The following EDIL3 variants were observed in gnomAD, a reference collection of about 807,000 sequenced individuals.
The protein encoded by EDIL3 is EGF-like repeat and discoidin I-like domain-containing protein 3.
A neutral mutation model predicts 67.4 loss-of-function variants in EDIL3; 37 were observed. That is an observed-to-expected ratio of 0.55 (90% CI 0.42 to 0.72). The LOEUF is 0.72. Ranked by LOEUF, EDIL3 falls within the 30% of genes least tolerant of loss-of-function variation. The probability of loss-of-function intolerance (pLI) is 0.00; values close to 1 mark genes in which losing one functional copy is unlikely to be tolerated. For missense variants in EDIL3, 527 were observed against 586.3 expected (o/e 0.90, Z 1.04); for synonymous variants, 195 against 196.3 (o/e 0.99, Z 0.05).
At chr5:84,136,557 C>G (rs764880687) in intron 5 of EDIL3, among the ~76,000 whole-genome samples, 4 of 152,068 alleles carry the variant, frequency 2.6e-5, no homozygotes, top group Non-Finnish European at 5.9e-5. Context: ...TTTGATGCAT[C>G]ATTTCAAGAC....
chr5:84,187,562 A>G (rs1019670250), intron 3 of EDIL3, among the ~76,000 whole-genome samples: 9 of 152,140 alleles, frequency 5.9e-5, no homozygotes, highest in African/African-American at 2.2e-4. Context: ...GGCAATTGCA[A>G]CAGCATAGTT....
chr5:84,097,192 T>A (rs1159213081), intron 6 of EDIL3, among the ~76,000 whole-genome samples: 1 of 152,076 alleles, frequency 6.6e-6, no homozygotes, highest in African/African-American at 2.4e-5. Context: ...CTATGGCACA[T>A]AAAAAGGGAA....
At chr5:84,109,231 C>T (rs1448112128) in intron 5 of EDIL3, among the ~76,000 whole-genome samples, 4 of 152,120 alleles carry the variant, frequency 2.6e-5, no homozygotes, top group East Asian at 1.9e-4. Flanking sequence ...TCAAGCTGGG[C>T]GCAGTGGCTC....
At chr5:84,087,648 A>G (rs1580320728) in intron 6 of EDIL3, among the ~76,000 whole-genome samples, 1 of 152,246 alleles carries the variant, frequency 6.6e-6, no homozygotes. Context: ...GAGAATACAA[A>G]GAGAGCCAAC....
intron 9 of EDIL3, among the ~76,000 whole-genome samples, chr5:83,984,348 T>C (rs954302293): frequency 2.0e-5 from 3 of 152,078 alleles, no homozygotes; most frequent in African/African-American, 7.2e-5. Context: ...ACACAGACTC[T>C]CTATATCATA....
intron 1 of EDIL3, among the ~76,000 whole-genome samples, chr5:84,279,527 T>C (rs1745653407): frequency 1.3e-5 from 2 of 152,232 alleles, no homozygotes; most frequent in Non-Finnish European, 2.9e-5. Flanking sequence ...TGCTATGATG[T>C]ACATATCTTA....
intron 3 of EDIL3, among the ~76,000 whole-genome samples, chr5:84,191,580 T>G (rs529691240): frequency 6.6e-6 from 1 of 152,124 alleles, no homozygotes; most frequent in African/African-American, 2.4e-5. Flanking sequence ...ACTGTGATAA[T>G]TTGGTCTTGT....
Position 84,132,499 on chromosome 5 carries a change from T to A in EDIL3, c.469+4742A>T, listed in dbSNP as rs532816940. Among the ~76,000 whole-genome samples, 507 of 113,574 alleles carry A rather than the reference T, an allele frequency of 4.5e-3. 35 individuals are homozygous for A. The highest frequency in any genetic ancestry group is 0.019 in the African/African-American group (486 of 26,220). 74.5% of individuals were successfully genotyped at this position (113,574 alleles called of 152,430 possible). On this transcript the variant is annotated intron_variant, in intron 5 of 10. Transcript: ENST00000296591. ...ATATATTTTAATATATATTATATAT[T>A]TTATATATAATATATATTTTAATAT...
intron 10 of EDIL3, among the ~76,000 whole-genome samples, chr5:83,962,953 G>A (rs193235477): frequency 6.6e-6 from 1 of 151,712 alleles, no homozygotes; most frequent in East Asian, 1.9e-4. Context: ...ATCTTAGATA[G>A]TCAGATCTTA....
At chr5:84,050,745 A>G (rs1182901672) in intron 9 of EDIL3, among the ~76,000 whole-genome samples, 1 of 152,184 alleles carries the variant, frequency 6.6e-6, no homozygotes, top group Non-Finnish European at 1.5e-5. Flanking sequence ...TCAAACTGCA[A>G]GGCAGCAGTG....
Position 84,149,863 on chromosome 5 carries a change from T to A in EDIL3, c.356-12509A>T, listed in dbSNP as rs893650558. On this transcript the variant is annotated intron_variant, in intron 4 of 10. Coordinates refer to ENST00000296591, the MANE Select transcript of EDIL3 (RefSeq NM_005711.5). ...TAATAGCAAATTAGACATGCAAAAATAAAAAAAAATTTTAGACGTTTTAAG... is the reference window on the plus strand; with the variant it reads ...TAATAGCAAATTAGACATGCAAAAAAAAAAAAAAATTTTAGACGTTTTAAG... 4.0e-5 allele frequency among the ~76,000 whole-genome samples: 6 copies of A among 150,690 alleles called. 1 individual carries two copies. Among genetic ancestry groups the A allele is most frequent in the Admixed American group, 3.3e-4 (5 of 15,132 alleles).
chr5:84,051,842 C>T (rs1447783670), intron 9 of EDIL3, among the ~76,000 whole-genome samples: 1 of 152,178 alleles, frequency 6.6e-6, no homozygotes, highest in Non-Finnish European at 1.5e-5. Flanking sequence ...ATTGGTGTAC[C>T]TGAAAGTGAC....
chr5:84,068,885 A>T (rs1427659937), intron 6 of EDIL3, among the ~76,000 whole-genome samples: 1 of 152,200 alleles, frequency 6.6e-6, no homozygotes, highest in Non-Finnish European at 1.5e-5. Flanking sequence ...GCTATAGGAA[A>T]TAAACTAAGT....
At chr5:84,216,812 G>A (rs943354951) in intron 3 of EDIL3, among the ~76,000 whole-genome samples, 1 of 152,162 alleles carries the variant, frequency 6.6e-6, no homozygotes, top group African/African-American at 2.4e-5. Context: ...CCCTATTACA[G>A]GATGAGCAAC....
chr5:84,079,546 A>AT (rs1746925482), intron 6 of EDIL3, among the ~76,000 whole-genome samples: 1 of 151,978 alleles, frequency 6.6e-6, no homozygotes, highest in African/African-American at 2.4e-5. Flanking sequence ...AAGAGTAGGA[A>AT]ATTTTTTTTT....
At chr5:84,069,266 C>T (rs1356026605) in intron 6 of EDIL3, among the ~76,000 whole-genome samples, 1 of 151,768 alleles carries the variant, frequency 6.6e-6, no homozygotes, top group African/African-American at 2.4e-5. Flanking sequence ...CAAATGGTAG[C>T]CTCCTACATT....
At chr5:83,955,924 A>G (rs375727046) in intron 10 of EDIL3, among the ~76,000 whole-genome samples, 5 of 151,846 alleles carry the variant, frequency 3.3e-5, no homozygotes, top group Admixed American at 3.3e-4. Context: ...ACTAATATAC[A>G]AAGGATTTTC....
chr5:84,138,407 T>C (rs1193338523), intron 4 of EDIL3, among the ~76,000 whole-genome samples: 1 of 152,180 alleles, frequency 6.6e-6, no homozygotes, highest in Non-Finnish European at 1.5e-5. Context: ...CCACACTCCA[T>C]CTGGAAAACT....
At chr5:84,126,707 C>T (rs1468089134) in intron 5 of EDIL3, among the ~76,000 whole-genome samples, 1 of 152,034 alleles carries the variant, frequency 6.6e-6, no homozygotes, top group Non-Finnish European at 1.5e-5. Context: ...TCCAATAATA[C>T]AAATAAACAG....
Sources: gnomAD v4.1 joint callset for allele counts (sites outside exome capture counted in the v4.1 genomes callset) on GRCh38, gnomAD v4.1.1 for gene constraint, MANE v1.5 for transcripts, NCBI Gene and HGNC (gene_info 2026-07-23, HGNC 2026-07-21) for gene names.